TDRD1: variants seen among roughly 807,000 people sequenced by gnomAD.
TDRD1 encodes the protein tudor domain containing 1.
Under a neutral mutation model 140.6 loss-of-function variants are expected in TDRD1, and 37 were observed. The ratio of observed to expected loss-of-function variants is 0.26; its 90% CI spans 0.20 to 0.35. TDRD1 has a LOEUF of 0.35. Ranked by LOEUF, TDRD1 falls within the 10% of genes least tolerant of loss-of-function variation. The pLI is 1.00. For missense variants in TDRD1, 1,243 were observed against 1,393.0 expected (o/e 0.89, Z 1.71); for synonymous variants, 506 against 475.7 (o/e 1.06, Z -0.83).
At chr10:114,219,887 C>T (rs1054017314) in intron 18 of TDRD1, among the ~76,000 whole-genome samples, 4 of 152,138 alleles carry the variant, frequency 2.6e-5, no homozygotes, top group Non-Finnish European at 5.9e-5. Flanking sequence ...CCACTGTGCC[C>T]GGCCCAGATT....
In TDRD1 at chr10:114,225,558, T is replaced by TAA. The variant is rs71303583; in HGVS notation, c.3008-476_3008-475dup. Among the ~76,000 whole-genome samples the TAA allele has an allele frequency of 1.3e-3, 194 of 147,032 alleles. 1 individual carries two copies. The highest frequency in any genetic ancestry group is 3.5e-3 in the Middle Eastern group (1 of 288). ...TGTTCTCTACTCTATTCTACGCATT[T>TAA]AAAAAAAAAAAAAAAATCTGGCCGG... On this transcript the variant is annotated intron_variant, in intron 21 of 25. Transcript: ENST00000251864.
At chr10:114,220,493 C>G (rs1027887790) in intron 18 of TDRD1, 75 bp from the exon 19 acceptor site, 2 of 1,021,870 alleles carry the variant, frequency 2.0e-6, no homozygotes, top group Non-Finnish European at 3.0e-6. Context: ...TGGCAAAGAC[C>G]TGGTGCTGGG....
Position 114,190,943 on chromosome 10 carries a change from T to C in TDRD1, c.326-18T>C, listed in dbSNP as rs2033916353. 1 of 1,612,660 alleles carries C rather than the reference T, an allele frequency of 6.2e-7. No homozygotes were observed. The highest frequency in any genetic ancestry group is 1.3e-5 in the African/African-American group (1 of 74,922). On this transcript the variant is annotated intron_variant, in intron 2 of 25. Transcript: ENST00000251864. ...GTATTATTTGGCTTTTATTTGAAAT[T>C]GTGTTTTTCCTCCCCAGGAAACTCA...
intron 11 of TDRD1, among the ~76,000 whole-genome samples, 189 bp from the exon 12 acceptor site, chr10:114,210,392 A>G (rs1239767856): frequency 1.3e-5 from 2 of 152,208 alleles, no homozygotes; most frequent in Non-Finnish European, 2.9e-5. Flanking sequence ...TTTTGGTGAC[A>G]TCGAAAACTG....
chr10:114,218,765 C>T (rs866376666), intron 18 of TDRD1, among the ~76,000 whole-genome samples, 181 bp downstream of exon 18: 2 of 152,108 alleles, frequency 1.3e-5, no homozygotes, highest in Non-Finnish European at 1.5e-5. Flanking sequence ...AGTAGGGAAG[C>T]GGCTCCTTTA....
intron 5 of TDRD1, 148 bp from the exon 6 acceptor site, chr10:114,202,090 G>A (rs2034783089): frequency 5.0e-6 from 3 of 603,696 alleles, no homozygotes; most frequent in Non-Finnish European, 8.6e-6. Context: ...GCCAGCACTG[G>A]GGAGTTTTAC....
chr10:114,212,894 A>G (rs1261156288), intron 14 of TDRD1, among the ~76,000 whole-genome samples: 2 of 152,178 alleles, frequency 1.3e-5, no homozygotes, highest in African/African-American at 2.4e-5. Flanking sequence ...CTGATTTAGA[A>G]CATTTCCATC....
At position 114,203,194 on chromosome 10, in the gene TDRD1, A is replaced by T; in HGVS notation, c.801+18A>T. The T allele has an allele frequency of 6.3e-7, 1 of 1,576,426 alleles. No individual in the cohort carries two copies. Among genetic ancestry groups the T allele is most frequent in the Non-Finnish European group, 8.7e-7 (1 of 1,148,002 alleles). On this transcript the variant is annotated intron_variant, in intron 7 of 25. Transcript: ENST00000251864. ...AAATAAAGGTATTTGTTTTTCTTCA[A>T]TCTCCATAGACACAGATCCAGAGAA...
chr10:114,218,551 C>G (rs1356986118), exon 18 of TDRD1: 4 of 1,609,922 alleles, frequency 2.5e-6, no homozygotes. Context: ...ATTTTTAAAC[C>G]TTCCCTTTCA....
At chr10:114,215,756 G>A (rs961648301) in intron 16 of TDRD1, among the ~76,000 whole-genome samples, 4 of 152,000 alleles carry the variant, frequency 2.6e-5, no homozygotes, top group African/African-American at 7.2e-5. Context: ...ATTTTTAAAG[G>A]TGATTATACA....
intron 2 of TDRD1, among the ~76,000 whole-genome samples, chr10:114,189,378 C>T (rs2033794203): frequency 6.6e-6 from 1 of 152,122 alleles, no homozygotes; most frequent in South Asian, 2.1e-4. Flanking sequence ...AAAAGATGGA[C>T]ACTGGTTATT....
At chr10:114,213,744 TAA>T (rs1164352378) in intron 15 of TDRD1, among the ~76,000 whole-genome samples, 156 bp downstream of exon 15, 3 of 152,172 alleles carry the variant, frequency 2.0e-5, no homozygotes, top group Non-Finnish European at 4.4e-5. Flanking sequence ...GTTTGAAAAA[TAA>T]AATTTTATGG....
chr10:114,175,935 T>C (rs1215267103), upstream of TDRD1, among the ~76,000 whole-genome samples: 1 of 152,178 alleles, frequency 6.6e-6, no homozygotes, highest in Non-Finnish European at 1.5e-5. Context: ...ACCTTTCCTG[T>C]TGCAAACTGA....
chr10:114,227,483 C>T (rs1009092498), intron 23 of TDRD1, among the ~76,000 whole-genome samples, 184 bp downstream of exon 23: 1 of 152,190 alleles, frequency 6.6e-6, no homozygotes, highest in African/African-American at 2.4e-5. Context: ...AGGCAGTCCT[C>T]CGAGTCCAGA....
chr10:114,214,126 C>T lies in TDRD1; in HGVS notation c.2212+12C>T, dbSNP rs1033837749. 16 of 1,610,466 alleles carry T rather than the reference C, an allele frequency of 9.9e-6. No homozygotes were observed. Among genetic ancestry groups the T allele is most frequent in the African/African-American group, 1.3e-5 (1 of 74,850 alleles). On this transcript the variant is annotated intron_variant, in intron 16 of 25. Coordinates refer to ENST00000251864, the Ensembl canonical transcript of TDRD1. ...GCTTAAAGAGGATGGTAAGTTGATT[C>T]TTGTCATTTGTTTCTTTTTACAAAT...
intron 16 of TDRD1, among the ~76,000 whole-genome samples, chr10:114,216,590 T>C (rs1469141274): frequency 1.3e-5 from 2 of 152,232 alleles, no homozygotes; most frequent in African/African-American, 4.8e-5. Flanking sequence ...TTCCAAGCTT[T>C]TATTACTAAA....
At chr10:114,223,117 T>C (rs551817976) in intron 21 of TDRD1, among the ~76,000 whole-genome samples, 1 of 152,364 alleles carries the variant, frequency 6.6e-6, no homozygotes, top group East Asian at 1.9e-4. Context: ...TCCGTTTTAA[T>C]GTCTCATTTT....
chr10:114,200,671 G>T (rs747356910), intron 4 of TDRD1, among the ~76,000 whole-genome samples: 2 of 151,826 alleles, frequency 1.3e-5, no homozygotes, highest in East Asian at 1.9e-4. Context: ...CTACAGGTGC[G>T]CACCACCACA....
chr10:114,197,677 T>G (rs1473650710), intron 3 of TDRD1, among the ~76,000 whole-genome samples: 5 of 133,350 alleles, frequency 3.7e-5, no homozygotes, highest in Non-Finnish European at 8.0e-5. Context: ...TTTTTTTTTT[T>G]GATTGAGTCT....
Sources: gnomAD v4.1 joint callset for allele counts (sites outside exome capture counted in the v4.1 genomes callset) on GRCh38, gnomAD v4.1.1 for gene constraint, MANE v1.5 for transcripts, NCBI Gene and HGNC (gene_info 2026-07-23, HGNC 2026-07-21) for gene names.